Variants in TLL1 observed in about 807,000 individuals in gnomAD.
TLL1 encodes tolloid-like protein 1.
In TLL1, 49 loss-of-function variants were observed where a neutral mutation model predicts 128.2. The ratio of observed to expected loss-of-function variants is 0.38; its 90% CI spans 0.30 to 0.48. The LOEUF (loss-of-function observed/expected upper bound fraction) is 0.48, where lower values mean the gene tolerates loss of function less well. Ranked by LOEUF, TLL1 falls within the 20% of genes least tolerant of loss-of-function variation. The pLI, the probability that TLL1 is intolerant of heterozygous loss-of-function variation, is 0.96. For missense variants in TLL1, 1,123 were observed against 1,242.0 expected, an observed-to-expected ratio of 0.90 and a Z score of 1.44; for synonymous variants, 454 against 418.8, an observed-to-expected ratio of 1.08 and a Z score of -1.03.
intron 14 of TLL1, among the ~76,000 whole-genome samples, chr4:166,059,547 T>G (rs1740198765): frequency 6.6e-6 from 1 of 152,094 alleles, no homozygotes. Context: ...GAAAAAAAGT[T>G]TGAGGAAATG....
At chr4:166,054,159 C>T (rs1739890124) in intron 12 of TLL1, among the ~76,000 whole-genome samples, 2 of 148,816 alleles carry the variant, frequency 1.3e-5, no homozygotes, top group Non-Finnish European at 3.0e-5. Flanking sequence ...AGATAAAAAG[C>T]CTCATCCAAA....
At chr4:165,972,919 G>T (rs1301955784) in intron 1 of TLL1, among the ~76,000 whole-genome samples, 2 of 152,064 alleles carry the variant, frequency 1.3e-5, no homozygotes, top group South Asian at 4.1e-4. Context: ...TAGTGCCTTT[G>T]TATGAAGTAT....
At chr4:165,882,640 A>G (rs1731011208) in intron 1 of TLL1, among the ~76,000 whole-genome samples, 1 of 151,936 alleles carries the variant, frequency 6.6e-6, no homozygotes, top group Non-Finnish European at 1.5e-5. Context: ...TTTTTTTGAG[A>G]CGGGTTTTGC....
At chr4:165,963,223 C>T (rs1462397682) in intron 1 of TLL1, among the ~76,000 whole-genome samples, 3 of 151,968 alleles carry the variant, frequency 2.0e-5, no homozygotes, top group Non-Finnish European at 1.5e-5. Flanking sequence ...GGTACTATGC[C>T]AAATGCCCGG....
At chr4:165,968,811 A>C (rs1224719979) in intron 1 of TLL1, among the ~76,000 whole-genome samples, 3 of 152,130 alleles carry the variant, frequency 2.0e-5, no homozygotes, top group Non-Finnish European at 4.4e-5. Flanking sequence ...AGTTTCTCCC[A>C]TTCTGTGATT....
chr4:165,943,043 G>A lies in TLL1; in HGVS notation c.170-46338G>A, dbSNP rs77269193. On this transcript the variant is annotated intron_variant, in intron 1 of 20. Coordinates refer to ENST00000061240, the MANE Select transcript of TLL1 (RefSeq NM_012464.5). ...TAGGACATTCAAGTTCCCTTTATTC[G>A]CCTTTAAATTTGCAACATTTGTCTA... Among the ~76,000 whole-genome samples the A allele has an allele frequency of 2.3e-3, 350 of 151,984 alleles. 1 individual carries two copies. The highest frequency in any genetic ancestry group is 7.9e-3 in the African/African-American group (328 of 41,490).
At chr4:166,096,136 C>T (rs1742007324) in intron 19 of TLL1, among the ~76,000 whole-genome samples, 1 of 151,274 alleles carries the variant, frequency 6.6e-6, no homozygotes, top group Admixed American at 6.6e-5. Flanking sequence ...TAAAATCACA[C>T]CTCTTTTGCA....
At chr4:166,087,371 G>T (rs1259801248) in intron 18 of TLL1, among the ~76,000 whole-genome samples, 1 of 152,008 alleles carries the variant, frequency 6.6e-6, no homozygotes, top group Non-Finnish European at 1.5e-5. Flanking sequence ...AGTTATAGAG[G>T]ACTCATGGAG....
At chr4:166,062,956 T>C (rs1441008872) in intron 15 of TLL1, among the ~76,000 whole-genome samples, 1 of 152,214 alleles carries the variant, frequency 6.6e-6, no homozygotes, top group Non-Finnish European at 1.5e-5. Flanking sequence ...CAAAGGCCTT[T>C]TCTGCATCTA....
At chr4:165,946,512 T>A (rs1416873132) in intron 1 of TLL1, among the ~76,000 whole-genome samples, 2 of 150,516 alleles carry the variant, frequency 1.3e-5, no homozygotes, top group Non-Finnish European at 3.0e-5. Context: ...TTTTTTTTTT[T>A]TTTTTTTTGT....
At chr4:166,061,892 G>T (rs932470400) in intron 15 of TLL1, among the ~76,000 whole-genome samples, 23 of 152,064 alleles carry the variant, frequency 1.5e-4, no homozygotes, top group African/African-American at 5.1e-4. Flanking sequence ...ATTAATTTTT[G>T]TATAAGGTGT....
In TLL1 at chr4:166,103,843, A is replaced by G. The variant is rs1560875515; in HGVS notation, c.*2967A>G. 1 of 151,172 alleles carries G rather than the reference A, an allele frequency of 6.6e-6. No homozygotes were observed. The highest frequency in any genetic ancestry group is 2.4e-5 in the African/African-American group (1 of 41,206). The allele number at this position is 151,172 out of a possible 1,614,324, so 9.4% of individuals were successfully genotyped here. ...AAAGTCCTAACTGACTATACATAGA[A>G]AAAAAAAAAAACACTGTTCTCACTT... On this transcript the variant is annotated 3_prime_UTR_variant, in exon 21 of 21. Coordinates refer to ENST00000061240, the MANE Select transcript of TLL1 (RefSeq NM_012464.5).
intron 16 of TLL1, among the ~76,000 whole-genome samples, chr4:166,073,057 A>G (rs1740862490): frequency 6.6e-6 from 1 of 152,146 alleles, no homozygotes; most frequent in Non-Finnish European, 1.5e-5. Context: ...TTCAAAGGAA[A>G]TATGTGTCTA....
At chr4:165,874,607 G>A (rs1730642235) in intron 1 of TLL1, among the ~76,000 whole-genome samples, 1 of 152,216 alleles carries the variant, frequency 6.6e-6, no homozygotes, top group African/African-American at 2.4e-5. Context: ...GCTAGAAAGG[G>A]ATTGTGACAA....
intron 18 of TLL1, among the ~76,000 whole-genome samples, chr4:166,086,938 A>G (rs17505880): frequency 0.11 from 16,122 of 152,246 alleles, 1,090 homozygotes; most frequent in Middle Eastern, 0.18. Flanking sequence ...CTGCATGATT[A>G]TAGCTTTAAA....
At position 166,063,413 on chromosome 4, in the gene TLL1, C is replaced by T. The variant is rs187324863; in HGVS notation, c.2008-2270C>T. 7.8e-3 allele frequency among the ~76,000 whole-genome samples: 1,188 copies of T among 152,234 alleles called. 16 individuals carry two copies. Among genetic ancestry groups the T allele is most frequent in the African/African-American group, 0.027 (1,128 of 41,538 alleles). On this transcript the variant is annotated intron_variant, in intron 15 of 20. Transcript: ENST00000061240. ...TGGTGGGACTGTAAACTAGTTCAACCATTGTGGAAGACAGTGTGACGATTC... is the reference window on the plus strand; with the variant it reads ...TGGTGGGACTGTAAACTAGTTCAACTATTGTGGAAGACAGTGTGACGATTC...
At chr4:166,019,962 G>A (rs1022975682) in intron 8 of TLL1, among the ~76,000 whole-genome samples, 1 of 152,098 alleles carries the variant, frequency 6.6e-6, no homozygotes, top group African/African-American at 2.4e-5. Context: ...GTTAGGAAGG[G>A]GATAGTATGA....
At chr4:165,895,347 T>C (rs1384095181) in intron 1 of TLL1, among the ~76,000 whole-genome samples, 2 of 152,130 alleles carry the variant, frequency 1.3e-5, no homozygotes, top group Non-Finnish European at 2.9e-5. Flanking sequence ...GTTTCACTTC[T>C]ATATAATGAG....
chr4:166,079,872 C>T (rs1397206269), intron 18 of TLL1, among the ~76,000 whole-genome samples: 1 of 152,130 alleles, frequency 6.6e-6, no homozygotes, highest in Non-Finnish European at 1.5e-5. Flanking sequence ...TCAGTAATTT[C>T]TATTGACCTG....
Sources: gnomAD v4.1 joint callset for allele counts (sites outside exome capture counted in the v4.1 genomes callset) on GRCh38, gnomAD v4.1.1 for gene constraint, MANE v1.5 for transcripts, NCBI Gene and HGNC (gene_info 2026-07-23, HGNC 2026-07-21) for gene names.